Variants in PSG5 observed in about 807,000 individuals in gnomAD.
PSG5 encodes the protein pregnancy-specific beta-1-glycoprotein 5.
Under a neutral mutation model 37.7 loss-of-function variants are expected in PSG5, and 53 were observed. The observed-to-expected ratio is 1.41, with a 90% CI of 1.13 to 1.77. PSG5 has a LOEUF of 1.77. PSG5 is among the 40% of genes most tolerant of loss of function. The pLI is 0.00. For synonymous variants in PSG5, 221 were observed against 155.4 expected (o/e 1.42, Z -3.14); for missense variants, 547 against 405.2 (o/e 1.35, Z -3.00).
chr19:43,183,010 G>T (rs536351835), intron 2 of PSG5, among the ~76,000 whole-genome samples: 1 of 151,064 alleles, frequency 6.6e-6, no homozygotes, highest in African/African-American at 2.4e-5. Context: ...GTTAGAGGGA[G>T]TGTCTGGGGA....
At position 43,176,082 on chromosome 19, in the gene PSG5, G is replaced by C. The variant is rs750568463; in HGVS notation, c.497C>G (p.Ala166Gly). ...SKPRENKDVL[A>G]FTCEPKSENY... Reference sequence around the variant, plus strand: ...CTCACTCTTAGGTTCACAGGTGAAGGCTAAGACATCCTTATTCTCCCTGGG... The same window carrying C: ...CTCACTCTTAGGTTCACAGGTGAAGCCTAAGACATCCTTATTCTCCCTGGG... The change falls in exon 3 of 6, where the codon GCC becomes GGC. Residue 166 changes from alanine to glycine, a missense_variant. Physicochemically the swap from Ala to Gly is moderately conservative, Grantham distance 60. Coordinates refer to ENST00000342951, the MANE Select transcript of PSG5 (RefSeq NM_002781.4). The C allele has an allele frequency of 1.9e-6, 3 of 1,610,828 alleles. No homozygotes were observed. Among genetic ancestry groups the C allele is most frequent in the African/African-American group, 1.3e-5 (1 of 74,392 alleles).
chr19:43,175,487 A>T lies in PSG5; in HGVS notation c.710-18T>A. 1 of 1,593,320 alleles carries T rather than the reference A, an allele frequency of 6.3e-7. No individual in the cohort carries two copies. Among genetic ancestry groups the T allele is most frequent in the South Asian group, 1.1e-5 (1 of 87,232 alleles). ...TGGACCATCTGGAGCAAAGAGAATG[A>T]AGCCACAGGTGATGTCATCCAAGGG... On this transcript the variant is annotated intron_variant, in intron 3 of 5. Coordinates refer to ENST00000342951, the MANE Select transcript of PSG5 (RefSeq NM_002781.4).
chr19:43,182,209 C>G lies in PSG5; in HGVS notation c.430+2573G>C, dbSNP rs1337049024. Reference sequence around the variant, plus strand: ...TTGCCCAGGGATGGCCTTTGTCAAACTAGTGAAAGACCATGAGATTAAGAT... The same window carrying G: ...TTGCCCAGGGATGGCCTTTGTCAAAGTAGTGAAAGACCATGAGATTAAGAT... On this transcript the variant is annotated intron_variant, in intron 2 of 5. Transcript: ENST00000342951. Among the ~76,000 whole-genome samples the G allele has an allele frequency of 3.3e-5, 5 of 151,668 alleles. 1 individual carries two copies. Among genetic ancestry groups the G allele is most frequent in the African/African-American group, 1.2e-4 (5 of 41,176 alleles).
intron 4 of PSG5, chr19:43,174,119 A>G (rs894692039): frequency 3.3e-5 from 5 of 151,768 alleles, no homozygotes; most frequent in African/African-American, 1.2e-4. Context: ...ACACAAAAGG[A>G]TAATTATCAT....
At chr19:43,178,664 C>A (rs1306537249) in intron 2 of PSG5, among the ~76,000 whole-genome samples, 1 of 151,638 alleles carries the variant, frequency 6.6e-6, no homozygotes, top group Non-Finnish European at 1.5e-5. Context: ...AGCTGTGGAA[C>A]CTGAGTCTCC....
rs899360596 is a variant in PSG5, at chr19:43,175,970, A to C, written c.609T>G (p.Ile203Met). Residue 203 changes from isoleucine to methionine, a missense_variant, in exon 3 of 6, where the codon ATT becomes ATG. Ile to Met is a conservative substitution (Grantham distance 10). Transcript: ENST00000342951. Reference protein sequence around the residue: ...VKRPIENRILILPSVTRNETG... With the variant: ...VKRPIENRILMLPSVTRNETG... ...TTTCATTTCTCGTGACACTGGGTAG[A>C]ATGAGGATCCTGTTTTCAATGGGTC... 3 of 1,611,750 alleles carry C rather than the reference A, an allele frequency of 1.9e-6. No homozygotes were observed. The highest frequency in any genetic ancestry group is 2.7e-5 in the African/African-American group (2 of 74,426).
In PSG5 at chr19:43,176,321, T is replaced by G. The variant is rs575094914; in HGVS notation, c.431-173A>C. On this transcript the variant is annotated intron_variant, in intron 2 of 5. Coordinates refer to ENST00000342951, the MANE Select transcript of PSG5 (RefSeq NM_002781.4). ...CATGATGATCTAAGGGCTCAAAGAC[T>G]GTGAGGCCACCTGCTCTGTTTTAGG... Among the ~76,000 whole-genome samples the G allele has an allele frequency of 7.9e-5, 12 of 151,694 alleles. No homozygotes were observed. In the East Asian group the frequency reaches 2.3e-3, roughly 29 times the overall value.
At chr19:43,183,468 G>T (rs756749988) in intron 2 of PSG5, 1 of 529,492 alleles carries the variant, frequency 1.9e-6, no homozygotes, top group Admixed American at 1.9e-5. Context: ...TGCTGGAGCA[G>T]GGTCTGAGTG....
In PSG5 at chr19:43,175,229, G is replaced by A. The variant is rs549269486; in HGVS notation, c.950C>T (p.Thr317Ile). ...ATGKESSKSM[T>I]VEVSAPSGIG... ...GATCCACTTACCAGAGACTTCGACT[G>A]TCATGGATTTGGAGCTTTCCTTGCC... The change falls in exon 4 of 6, where the codon ACA (threonine) becomes ATA (isoleucine). Residue 317 changes from threonine to isoleucine, a missense_variant. Thr to Ile is a moderately conservative substitution (Grantham distance 89, BLOSUM62 -1). Coordinates refer to ENST00000342951, the MANE Select transcript of PSG5 (RefSeq NM_002781.4). 3 of 1,612,590 alleles carry A rather than the reference G, an allele frequency of 1.9e-6. No individual in the cohort carries two copies. The highest frequency in any genetic ancestry group is 1.3e-5 in the African/African-American group (1 of 74,570).
At chr19:43,185,647 C>T (rs1405216992) in intron 1 of PSG5, among the ~76,000 whole-genome samples, 5 of 151,520 alleles carry the variant, frequency 3.3e-5, no homozygotes, top group African/African-American at 1.2e-4. Flanking sequence ...AGGACAGGGA[C>T]TTTTGTGATC....
chr19:43,173,802 G>T lies in PSG5; in HGVS notation c.964+1413C>A, dbSNP rs1180957869. Reference sequence around the variant, plus strand: ...AATGTTATAGCCACTGTAAAAAGTGGTGTGGCTGTTTCTCAAAAAATTAAA... The same window carrying T: ...AATGTTATAGCCACTGTAAAAAGTGTTGTGGCTGTTTCTCAAAAAATTAAA... On this transcript the variant is annotated intron_variant, in intron 4 of 5. Transcript: ENST00000342951. Among the ~76,000 whole-genome samples the T allele has an allele frequency of 3.3e-5, 5 of 151,678 alleles. No individual in the cohort carries two copies. In the East Asian group the frequency reaches 9.6e-4, roughly 29 times the overall value.
chr19:43,184,612 C>G (rs1254306422), intron 2 of PSG5, among the ~76,000 whole-genome samples, 170 bp downstream of exon 2: 1 of 151,496 alleles, frequency 6.6e-6, no homozygotes, highest in Non-Finnish European at 1.5e-5. Flanking sequence ...GAATTCTGAT[C>G]TGTTGAAATT....
At chr19:43,170,329 G>T (rs1337008872) in intron 4 of PSG5, 191 bp from the exon 5 acceptor site, 7 of 679,830 alleles carry the variant, frequency 1.0e-5, no homozygotes, top group Non-Finnish European at 1.5e-5. Context: ...ATGTTTCTAG[G>T]ATGGTGATCA....
chr19:43,182,653 G>A (rs1474401673), intron 2 of PSG5, among the ~76,000 whole-genome samples: 1 of 143,468 alleles, frequency 7.0e-6, no homozygotes, highest in African/African-American at 2.6e-5. Context: ...CTCCTGTTTG[G>A]CAGACTTGGA....
rs192694954 is a variant in PSG5 at position 43,185,699 on chromosome 19, C to T, written c.65-552G>A. 7.5e-3 allele frequency among the ~76,000 whole-genome samples: 1,141 copies of T among 151,814 alleles called. 41 individuals carry two copies. Among genetic ancestry groups the T allele is most frequent in the African/African-American group, 0.025 (1,018 of 41,308 alleles). ...GCCTGGAACAGGCTGCAGACTCCTG[C>T]AGATGTGAGAGTTCTCAGGGCCCTC... On this transcript the variant is annotated intron_variant, in intron 1 of 5. Transcript: ENST00000342951.
At chr19:43,177,922 A>G (rs1057403842) in intron 2 of PSG5, among the ~76,000 whole-genome samples, 4 of 117,104 alleles carry the variant, frequency 3.4e-5, no homozygotes, top group African/African-American at 1.4e-4. Context: ...TTTTCAGGGT[A>G]TAATCATTTG....
rs1005190863 is a variant in PSG5, at chr19:43,178,720, G to A, written c.431-2572C>T. ...TTCTCCTATTGTGGATCAAGCCTAG[G>A]CCTACTCTGTTTTGCCTGGGGCAGA... is the stretch of plus-strand genomic sequence containing the variant. On this transcript the variant is annotated intron_variant, in intron 2 of 5. Coordinates refer to ENST00000342951, the MANE Select transcript of PSG5 (RefSeq NM_002781.4). Among the ~76,000 whole-genome samples, 6 of 151,700 alleles carry A rather than the reference G, an allele frequency of 4.0e-5. No individual in the cohort carries two copies. The East Asian group carries it at 5.8e-4, about 15-fold the overall frequency.
intron 5 of PSG5, 28 bp downstream of exon 5, chr19:43,170,027 A>C: frequency 7.3e-7 from 1 of 1,375,570 alleles, no homozygotes; most frequent in Non-Finnish European, 1.0e-6. Flanking sequence ...CCCTGCAGGA[A>C]CCAGGATAAG....
At chr19:43,180,888 G>A (rs1449294454) in intron 2 of PSG5, among the ~76,000 whole-genome samples, 1 of 151,546 alleles carries the variant, frequency 6.6e-6, no homozygotes, top group African/African-American at 2.4e-5. Flanking sequence ...AAGAAGTGAT[G>A]TGTGTTATGT....
Sources: gnomAD v4.1 joint callset for allele counts (sites outside exome capture counted in the v4.1 genomes callset) on GRCh38, gnomAD v4.1.1 for gene constraint, MANE v1.5 for transcripts, NCBI Gene and HGNC (gene_info 2026-07-23, HGNC 2026-07-21) for gene names.